The following ACYP2 variants were observed in gnomAD, a reference collection of about 807,000 sequenced individuals.
ACYP2 encodes acylphosphatase 2.
ACYP2 carries 12 observed loss-of-function variants against 11.2 expected under a neutral mutation model. That is an observed-to-expected ratio of 1.08 (90% CI 0.69 to 1.74). The LOEUF is 1.74. ACYP2 is among the 40% of genes most tolerant of loss of function. The pLI, the probability that ACYP2 is intolerant of heterozygous loss-of-function variation, is 0.00. For synonymous variants in ACYP2, 43 were observed against 32.2 expected (o/e 1.33, Z -1.13); for missense variants, 134 against 101.9 (o/e 1.31, Z -1.35).
At chr2:54,137,617 C>CT (rs1463618557) in intron 5 of ACYP2, among the ~76,000 whole-genome samples, 1 of 152,140 alleles carries the variant, frequency 6.6e-6, no homozygotes, top group Admixed American at 6.6e-5. Context: ...TGATCTCATT[C>CT]TTTTTTATGG....
At chr2:54,138,774 A>C in intron 6 of ACYP2, 26 bp downstream of exon 3, 1 of 1,583,168 alleles carries the variant, frequency 6.3e-7, no homozygotes, top group Non-Finnish European at 8.7e-7. Context: ...AATAACATGT[A>C]CATGAAATTT....
intron 6 of ACYP2, among the ~76,000 whole-genome samples, chr2:54,216,995 A>G (rs1356321091): frequency 6.6e-6 from 1 of 152,226 alleles, no homozygotes; most frequent in African/African-American, 2.4e-5. Flanking sequence ...TATTTGTTTC[A>G]TATCATACTT....
At chr2:54,228,450 T>C (rs1171695787) in intron 6 of ACYP2, among the ~76,000 whole-genome samples, 1 of 152,218 alleles carries the variant, frequency 6.6e-6, no homozygotes. Context: ...AGGTATACAG[T>C]AGTTAAGAAA....
chr2:54,182,047 ATTTTTTTTTT>A (rs35145998), intron 6 of ACYP2, among the ~76,000 whole-genome samples: 43 of 83,068 alleles, frequency 5.2e-4, no homozygotes, highest in African/African-American at 1.7e-3. Flanking sequence ...ATAGAAGATA[ATTTTTTTTTT>A]TTTTTTTTTT....
chr2:54,195,460 GTT>G (rs1684423682), intron 6 of ACYP2, among the ~76,000 whole-genome samples: 1 of 152,040 alleles, frequency 6.6e-6, no homozygotes, highest in South Asian at 2.1e-4. Context: ...AGAGAGGGTG[GTT>G]TTTCTCTTAC....
At chr2:54,284,670 T>C (rs1689003743) in intron 6 of ACYP2, among the ~76,000 whole-genome samples, 1 of 152,214 alleles carries the variant, frequency 6.6e-6, no homozygotes, top group Non-Finnish European at 1.5e-5. Context: ...CCTCTAGAGC[T>C]ACATCATCTC....
chr2:54,052,190 A>G (rs934346286), intron 3 of ACYP2, among the ~76,000 whole-genome samples: 5 of 152,150 alleles, frequency 3.3e-5, no homozygotes, highest in African/African-American at 1.2e-4. Context: ...TTTCTTATCT[A>G]TAAAGCATTT....
rs1004817867 is a variant in ACYP2 at position 54,013,295 on chromosome 2, G to C, written c.63-37663G>C. ...TGTGTGTGTGTGTGTGTGTGTGTGTGTGTGTGTGTGTGTGTGTGTGTTTTG... is the reference window on the plus strand; with the variant it reads ...TGTGTGTGTGTGTGTGTGTGTGTGTCTGTGTGTGTGTGTGTGTGTGTTTTG... On this transcript the variant is annotated intron_variant, in intron 2 of 6. Transcript: ENST00000607452. Among the ~76,000 whole-genome samples the C allele has an allele frequency of 1.5e-4, 22 of 143,652 alleles. 1 individual carries two copies. Among genetic ancestry groups the C allele is most frequent in the African/African-American group, 4.9e-4 (18 of 36,906 alleles). 94.2% of individuals were successfully genotyped at this position (143,652 alleles called of 152,430 possible).
chr2:54,190,812 T>C (rs769148301), intron 6 of ACYP2, among the ~76,000 whole-genome samples: 1 of 152,196 alleles, frequency 6.6e-6, no homozygotes, highest in South Asian at 2.1e-4. Context: ...CTAACAGGCA[T>C]ATTAAACTTA....
intron 6 of ACYP2, among the ~76,000 whole-genome samples, chr2:54,220,158 A>C (rs843753): frequency 1.3e-5 from 2 of 151,670 alleles, no homozygotes; most frequent in African/African-American, 4.8e-5. Flanking sequence ...CTCTAGAAAT[A>C]AAATTTTCTG....
chr2:54,146,540 G>T (rs543288783), intron 6 of ACYP2, among the ~76,000 whole-genome samples: 3 of 151,580 alleles, frequency 2.0e-5, no homozygotes, highest in Non-Finnish European at 4.4e-5. Context: ...CTCCCAAAGT[G>T]CTGGGATTAC....
At position 54,160,666 on chromosome 2, in the gene ACYP2, T is replaced by C. The variant is rs13420347; in HGVS notation, c.404+21918T>C. Among the ~76,000 whole-genome samples the C allele has an allele frequency of 7.5e-3, 1,137 of 152,298 alleles. 6 individuals are homozygous for C. Among genetic ancestry groups the C allele is most frequent in the African/African-American group, 0.026 (1,096 of 41,560 alleles). ...AGGCATTGAGCTGAAAGAGCCTTCA[T>C]TGTGTTTTTGGGAACATGTGACTGG... is the stretch of plus-strand genomic sequence containing the variant. On this transcript the variant is annotated intron_variant, in intron 6 of 6. Transcript: ENST00000607452.
chr2:54,124,152 C>T (rs935551426), intron 4 of ACYP2, among the ~76,000 whole-genome samples: 5 of 152,094 alleles, frequency 3.3e-5, no homozygotes, highest in Middle Eastern at 3.4e-3. Flanking sequence ...ACACTGGCTC[C>T]GTAACCAAAA....
intron 4 of ACYP2, among the ~76,000 whole-genome samples, chr2:54,100,661 T>C (rs1678844782): frequency 6.6e-6 from 1 of 152,130 alleles, no homozygotes; most frequent in African/African-American, 2.4e-5. Context: ...TGCCACATTT[T>C]AACTCGTTTC....
At position 54,273,086 on chromosome 2, in the gene ACYP2, T is replaced by G. The variant is rs150236875; in HGVS notation, c.405-31602T>G. Among the ~76,000 whole-genome samples, 17 of 152,182 alleles carry G rather than the reference T, an allele frequency of 1.1e-4. No individual in the cohort carries two copies. The East Asian group carries it at 3.3e-3, about 29-fold the overall frequency. ...GCAGGCTTTTCTCTGACAAAGTTGT[T>G]TGGGTTATTTTTATCTTTCTGCTTC... is the stretch of plus-strand genomic sequence containing the variant. On this transcript the variant is annotated intron_variant, in intron 6 of 6. Coordinates refer to ENST00000607452, the MANE Select transcript of ACYP2 (RefSeq NM_001320586.2).
At chr2:54,201,956 C>T (rs943137218) in intron 6 of ACYP2, among the ~76,000 whole-genome samples, 2 of 152,014 alleles carry the variant, frequency 1.3e-5, no homozygotes, top group Non-Finnish European at 2.9e-5. Flanking sequence ...GATCCGCTTG[C>T]CTCGACCTCC....
chr2:54,201,858 GCC>G (rs1553391511), intron 6 of ACYP2, among the ~76,000 whole-genome samples: 1 of 151,072 alleles, frequency 6.6e-6, no homozygotes, highest in Non-Finnish European at 1.5e-5. Context: ...ACAGGTGTGC[GCC>G]CCCACGCCTG....
At chr2:54,152,483 T>G (rs1682226491) in intron 6 of ACYP2, among the ~76,000 whole-genome samples, 1 of 152,134 alleles carries the variant, frequency 6.6e-6, no homozygotes, top group Non-Finnish European at 1.5e-5. Context: ...ATGGCATGTG[T>G]CTACCATTAT....
chr2:54,060,850 C>T (rs1285257180), intron 4 of ACYP2, among the ~76,000 whole-genome samples: 1 of 151,996 alleles, frequency 6.6e-6, no homozygotes, highest in Non-Finnish European at 1.5e-5. Context: ...TGCTTGGTAA[C>T]GTTATTTACC....
Sources: allele counts gnomAD v4.1 joint callset (sites outside exome capture counted in the v4.1 genomes callset), GRCh38; gene constraint gnomAD v4.1.1; transcripts MANE v1.5; gene names NCBI Gene and HGNC (gene_info 2026-07-23, HGNC 2026-07-21).